The following ADAMTSL1 variants were observed in gnomAD, a reference collection of about 807,000 sequenced individuals.
The protein encoded by ADAMTSL1 is ADAMTS like 1, also known as ADAMTS-like protein 1.
Under a neutral mutation model 201.8 loss-of-function variants are expected in ADAMTSL1, and 126 were observed. That is an observed-to-expected ratio of 0.62 (90% CI 0.54 to 0.72). The LOEUF (loss-of-function observed/expected upper bound fraction) is 0.72, where lower values mean the gene tolerates loss of function less well. Among genes scored for constraint, ADAMTSL1 ranks in the 30% least tolerant of loss-of-function variants. The probability of loss-of-function intolerance (pLI) is 0.00; values close to 1 mark genes in which losing one functional copy is unlikely to be tolerated. For missense variants in ADAMTSL1, 2,679 were observed against 2,277.8 expected, an observed-to-expected ratio of 1.18 and a Z score of -3.59; for synonymous variants, 1,121 against 903.4, an observed-to-expected ratio of 1.24 and a Z score of -4.32.
At chr9:18,044,319 G>A (rs1014837951) in intron 1 of ADAMTSL1, among the ~76,000 whole-genome samples, 1 of 151,998 alleles carries the variant, frequency 6.6e-6, no homozygotes, top group Non-Finnish European at 1.5e-5. Context: ...TCACCTGATA[G>A]AAATAAAGAG....
intron 2 of ADAMTSL1, among the ~76,000 whole-genome samples, chr9:18,185,591 T>C (rs1238466136): frequency 6.6e-6 from 1 of 152,150 alleles, no homozygotes; most frequent in African/African-American, 2.4e-5. Flanking sequence ...AACAAAGACA[T>C]TGCTACTTGA....
At chr9:18,513,839 A>C (rs1041443342) in intron 2 of ADAMTSL1, among the ~76,000 whole-genome samples, 49 of 152,320 alleles carry the variant, frequency 3.2e-4, no homozygotes, top group African/African-American at 1.2e-3. Flanking sequence ...CTTTACACCA[A>C]GGTGTCTTTA....
chr9:18,576,239 A>G (rs1822714410), intron 4 of ADAMTSL1, among the ~76,000 whole-genome samples: 1 of 152,196 alleles, frequency 6.6e-6, no homozygotes, highest in South Asian at 2.1e-4. Context: ...GCAATCATGT[A>G]GTAAAGGCGA....
chr9:18,663,071 G>A (rs1447390031), intron 9 of ADAMTSL1, among the ~76,000 whole-genome samples: 3 of 151,942 alleles, frequency 2.0e-5, no homozygotes, highest in Admixed American at 2.0e-4. Context: ...ATATGACTTG[G>A]GCAATGTCGA....
intron 1 of ADAMTSL1, among the ~76,000 whole-genome samples, chr9:17,990,794 T>C (rs1029189304): frequency 2.6e-5 from 4 of 152,170 alleles, no homozygotes; most frequent in African/African-American, 7.2e-5. Flanking sequence ...ACCCAGTGAC[T>C]GATGATTGAA....
Position 18,908,433 on chromosome 9 carries a change from C to T in ADAMTSL1, c.5183-9C>T, listed in dbSNP as rs368128969. The T allele has an allele frequency of 6.7e-5, 104 of 1,553,496 alleles. No individual in the cohort carries two copies. In the Middle Eastern group the frequency reaches 1.0e-3, roughly 15 times the overall value. On this transcript the variant is annotated splice_polypyrimidine_tract_variant and intron_variant, in intron 28 of 28. Transcript: ENST00000380548. The stretch of plus-strand genomic sequence containing the variant: ...TGTCTCCTCTCCCGACCCCGTCCTC[C>T]TTTCCCAGTGGAGTGCAGAGACACC...
At chr9:18,566,885 G>C (rs1821935740) in intron 3 of ADAMTSL1, among the ~76,000 whole-genome samples, 1 of 152,166 alleles carries the variant, frequency 6.6e-6, no homozygotes, top group African/African-American at 2.4e-5. Flanking sequence ...TGGCTCCTTG[G>C]ACTTGGTTGT....
intron 14 of ADAMTSL1, among the ~76,000 whole-genome samples, chr9:18,714,529 TC>T (rs1477461769): frequency 5.7e-5 from 6 of 106,190 alleles, no homozygotes; most frequent in African/African-American, 1.9e-4. Flanking sequence ...ACATACACTC[TC>T]CCAAGACTAA....
At chr9:18,738,314 C>T (rs1173257612) in intron 15 of ADAMTSL1, among the ~76,000 whole-genome samples, 2 of 152,122 alleles carry the variant, frequency 1.3e-5, no homozygotes, top group Admixed American at 6.6e-5. Context: ...AGGTAAAAAT[C>T]TTCTATGCTT....
intron 13 of ADAMTSL1, among the ~76,000 whole-genome samples, chr9:18,695,629 C>A (rs1484279900): frequency 1.3e-5 from 2 of 152,190 alleles, no homozygotes; most frequent in African/African-American, 4.8e-5. Flanking sequence ...CCACCTCCCC[C>A]TGGACTTCAT....
intron 23 of ADAMTSL1, among the ~76,000 whole-genome samples, chr9:18,886,211 T>C (rs3085521): frequency 0.053 from 5,560 of 105,262 alleles, 402 homozygotes; most frequent in African/African-American, 0.17. Context: ...TATATATATA[T>C]ACACACACAT....
At chr9:18,812,818 T>C (rs1823585473) in intron 20 of ADAMTSL1, among the ~76,000 whole-genome samples, 1 of 152,194 alleles carries the variant, frequency 6.6e-6, no homozygotes, top group Non-Finnish European at 1.5e-5. Context: ...GAAAATGAGT[T>C]GGCTGTAAGT....
rs556384865 is a variant in ADAMTSL1 at position 18,535,850 on chromosome 9, A to T, written c.237+2558A>T. On this transcript the variant is annotated intron_variant, in intron 3 of 28. Transcript: ENST00000380548. ...CTATCATGAGAATAGCATGGGGAAA[A>T]TTGTCTGCATGAGTCAATTATCTCC... Among the ~76,000 whole-genome samples the T allele has an allele frequency of 9.2e-5, 14 of 152,254 alleles. No individual in the cohort carries two copies. The East Asian group carries it at 2.5e-3, about 27-fold the overall frequency.
At chr9:18,307,201 A>T (rs1833944118) in intron 2 of ADAMTSL1, among the ~76,000 whole-genome samples, 1 of 152,162 alleles carries the variant, frequency 6.6e-6, no homozygotes, top group Non-Finnish European at 1.5e-5. Flanking sequence ...GAAGCTCTAA[A>T]TATGAAAAGA....
At chr9:18,296,919 T>C (rs1833500278) in intron 2 of ADAMTSL1, among the ~76,000 whole-genome samples, 1 of 152,318 alleles carries the variant, frequency 6.6e-6, no homozygotes, top group Admixed American at 6.5e-5. Context: ...GCTTAAACAA[T>C]AGTTGCTGGC....
At chr9:18,817,779 G>T (rs1009879230) in intron 21 of ADAMTSL1, among the ~76,000 whole-genome samples, 2 of 152,232 alleles carry the variant, frequency 1.3e-5, no homozygotes, top group Non-Finnish European at 2.9e-5. Context: ...AAGTCATGGA[G>T]GCCTGAACTC....
chr9:18,757,547 T>G (rs1383602552), intron 16 of ADAMTSL1, among the ~76,000 whole-genome samples: 1 of 152,072 alleles, frequency 6.6e-6, no homozygotes. Context: ...CCCTGCCCTG[T>G]CTCCAGGCAT....
chr9:18,220,731 G>A (rs1228753747), intron 2 of ADAMTSL1, among the ~76,000 whole-genome samples: 1 of 151,260 alleles, frequency 6.6e-6, no homozygotes, highest in African/African-American at 2.4e-5. Flanking sequence ...TCTTGCTAAT[G>A]GTTTTTCAGT....
At chr9:18,064,997 C>T (rs1586972243) in intron 1 of ADAMTSL1, among the ~76,000 whole-genome samples, 2 of 106,378 alleles carry the variant, frequency 1.9e-5, no homozygotes, top group African/African-American at 3.8e-5. Flanking sequence ...TTGGTGGGCT[C>T]TGAATAAACC....
Sources: gnomAD v4.1 joint callset for allele counts (sites outside exome capture counted in the v4.1 genomes callset) on GRCh38, gnomAD v4.1.1 for gene constraint, MANE v1.5 for transcripts, NCBI Gene and HGNC (gene_info 2026-07-23, HGNC 2026-07-21) for gene names.